Variants in ILRUN observed in about 807,000 individuals in gnomAD.
The protein encoded by ILRUN is inflammation and lipid regulator with UBA-like and NBR1-like domains, also known as protein ILRUN.
Under a neutral mutation model 33.8 loss-of-function variants are expected in ILRUN, and 3 were observed. That is an observed-to-expected ratio of 0.09 (90% CI 0.04 to 0.23). ILRUN has a LOEUF of 0.23. ILRUN is among the 10% of genes least tolerant of loss of function. The probability of loss-of-function intolerance (pLI) is 1.00; values close to 1 mark genes in which losing one functional copy is unlikely to be tolerated. For missense variants in ILRUN, 210 were observed against 375.1 expected (o/e 0.56, Z 3.64); for synonymous variants, 124 against 138.9 (o/e 0.89, Z 0.75).
intron 1 of ILRUN, among the ~76,000 whole-genome samples, chr6:34,672,580 T>C (rs1763140247): frequency 6.6e-6 from 1 of 151,996 alleles, no homozygotes; most frequent in African/African-American, 2.4e-5. Flanking sequence ...TAGGTGTATA[T>C]AGTCAAGAAC....
intron 1 of ILRUN, among the ~76,000 whole-genome samples, chr6:34,676,438 C>CTAGATAGATAGATA (rs1370771807): frequency 6.6e-6 from 1 of 150,700 alleles, no homozygotes; most frequent in Admixed American, 6.6e-5. Flanking sequence ...AGCTAGCTAG[C>CTAGATAGATAGATA]TAGCTAGATA....
At chr6:34,654,392 T>C (rs942852402) in intron 2 of ILRUN, among the ~76,000 whole-genome samples, 2 of 152,190 alleles carry the variant, frequency 1.3e-5, no homozygotes, top group African/African-American at 4.8e-5. Context: ...TTAGATGCCA[T>C]TAAGTTATAG....
chr6:34,640,071 T>C (rs998624537), intron 3 of ILRUN, among the ~76,000 whole-genome samples: 3 of 151,820 alleles, frequency 2.0e-5, no homozygotes, highest in Non-Finnish European at 4.4e-5. Flanking sequence ...AAAGATAAAA[T>C]GTTAGGGCTT....
At position 34,622,336 on chromosome 6, in the gene ILRUN, T is replaced by C. The variant is rs139214246; in HGVS notation, c.512-15432A>G. Among the ~76,000 whole-genome samples, 88 of 152,314 alleles carry C rather than the reference T, an allele frequency of 5.8e-4. No individual in the cohort carries two copies. The East Asian group carries it at 7.7e-3, about 13-fold the overall frequency. ...GATCATATATGTCATAAGGGGTTAATATCTCAAATATATAAAGAACTCCTA... is the reference window on the plus strand; with the variant it reads ...GATCATATATGTCATAAGGGGTTAACATCTCAAATATATAAAGAACTCCTA... On this transcript the variant is annotated intron_variant, in intron 3 of 4. Transcript: ENST00000374023.
rs553404228 is a variant in ILRUN, at chr6:34,590,740, C to T, written c.862-140G>A. 1.1e-4 allele frequency: 75 copies of T among 655,602 alleles called. 1 individual carries two copies. The highest frequency in any genetic ancestry group is 1.1e-5 in the Non-Finnish European group (4 of 355,170). 40.6% of individuals were successfully genotyped at this position (655,602 alleles called of 1,614,324 possible). On this transcript the variant is annotated intron_variant, in intron 4 of 4. Transcript: ENST00000374023. Reference sequence around the variant, plus strand: ...ACAAGGCCTGAGGGTCTTTGCCATACAAAACCTCGGCAGGCCAAAGATCAG... The same window carrying T: ...ACAAGGCCTGAGGGTCTTTGCCATATAAAACCTCGGCAGGCCAAAGATCAG...
intron 3 of ILRUN, among the ~76,000 whole-genome samples, chr6:34,627,704 CT>C (rs71000075): frequency 0.011 from 1,488 of 134,798 alleles, 10 homozygotes; most frequent in African/African-American, 0.022. Flanking sequence ...GTCTTTGGCC[CT>C]TTTTTTTTTT....
intron 3 of ILRUN, among the ~76,000 whole-genome samples, chr6:34,634,908 T>C (rs2814986): frequency 0.17 from 25,142 of 152,054 alleles, 2,273 homozygotes; most frequent in African/African-American, 0.22. Flanking sequence ...TCAGACAGCA[T>C]CCACAGAGCT....
At chr6:34,684,550 G>A (rs897973071) in intron 1 of ILRUN, among the ~76,000 whole-genome samples, 2 of 152,154 alleles carry the variant, frequency 1.3e-5, no homozygotes, top group Non-Finnish European at 2.9e-5. Flanking sequence ...TGCGTAAGAG[G>A]CTTAGGGAGA....
intron 3 of ILRUN, among the ~76,000 whole-genome samples, chr6:34,636,931 A>G (rs181850746): frequency 3.0e-4 from 46 of 152,188 alleles, no homozygotes; most frequent in Non-Finnish European, 6.0e-4. Context: ...ATATGTCAAC[A>G]TATTTTTCTT....
At chr6:34,677,343 A>C (rs1259103589) in intron 1 of ILRUN, among the ~76,000 whole-genome samples, 1 of 152,094 alleles carries the variant, frequency 6.6e-6, no homozygotes, top group Non-Finnish European at 1.5e-5. Context: ...AAAATAATTA[A>C]GCAAGTGAAC....
chr6:34,669,208 C>T (rs1416670618), intron 1 of ILRUN, among the ~76,000 whole-genome samples: 1 of 151,622 alleles, frequency 6.6e-6, no homozygotes, highest in Non-Finnish European at 1.5e-5. Context: ...ACTGTAGCCT[C>T]AACTTCCTGG....
intron 3 of ILRUN, among the ~76,000 whole-genome samples, chr6:34,607,469 T>A (rs1761658819): frequency 6.6e-6 from 1 of 152,196 alleles, no homozygotes; most frequent in Admixed American, 6.5e-5. Flanking sequence ...CTGGCTATCT[T>A]CTCAATCTAT....
intron 3 of ILRUN, among the ~76,000 whole-genome samples, chr6:34,645,046 C>G (rs1762539730): frequency 6.6e-6 from 1 of 152,142 alleles, no homozygotes; most frequent in Non-Finnish European, 1.5e-5. Flanking sequence ...AGAATGATGT[C>G]ACATAAGCAC....
intron 3 of ILRUN, among the ~76,000 whole-genome samples, chr6:34,622,829 T>C (rs1762037067): frequency 1.3e-5 from 2 of 152,208 alleles, no homozygotes; most frequent in Non-Finnish European, 2.9e-5. Context: ...TTACTCACAA[T>C]AGCCAAAAGG....
At chr6:34,643,625 T>G (rs766840688) in intron 3 of ILRUN, among the ~76,000 whole-genome samples, 7 of 152,228 alleles carry the variant, frequency 4.6e-5, no homozygotes, top group African/African-American at 7.2e-5. Flanking sequence ...ATGGACTAAA[T>G]GGCTGTTATC....
At chr6:34,644,691 TATA>T (rs1429769071) in intron 3 of ILRUN, among the ~76,000 whole-genome samples, 1 of 152,038 alleles carries the variant, frequency 6.6e-6, no homozygotes, top group Non-Finnish European at 1.5e-5. Flanking sequence ...ATGTGTTAAA[TATA>T]ATAACAAGCA....
rs1300418369 is a variant in ILRUN at position 34,636,035 on chromosome 6, T to C, written c.511+10566A>G. On this transcript the variant is annotated intron_variant, in intron 3 of 4. Transcript: ENST00000374023. ...CACTTCGGGAGGCGAAGAGGAAGAA[T>C]TGCTTGAGGCCAGGAATTATAGACC... Among the ~76,000 whole-genome samples the C allele has an allele frequency of 9.2e-5, 14 of 152,092 alleles. No individual in the cohort carries two copies. The East Asian group carries it at 2.7e-3, about 29-fold the overall frequency.
intron 1 of ILRUN, among the ~76,000 whole-genome samples, chr6:34,693,485 G>A (rs910877447): frequency 7.3e-5 from 11 of 150,470 alleles, no homozygotes; most frequent in African/African-American, 2.7e-4. Context: ...CTCCCAGGTA[G>A]CTGGGGACTA....
chr6:34,662,127 A>G (rs1310327445), intron 1 of ILRUN, among the ~76,000 whole-genome samples: 1 of 47,398 alleles, frequency 2.1e-5, no homozygotes, highest in Admixed American at 1.7e-4. Context: ...TCCGTCTCAA[A>G]AAAAAAAAAA....
Sources: gnomAD v4.1 joint callset for allele counts (sites outside exome capture counted in the v4.1 genomes callset) on GRCh38, gnomAD v4.1.1 for gene constraint, MANE v1.5 for transcripts, NCBI Gene and HGNC (gene_info 2026-07-23, HGNC 2026-07-21) for gene names.